SLC17A8: variants seen among roughly 807,000 people sequenced by gnomAD.
SLC17A8 encodes solute carrier family 17 member 8, also known as vesicular glutamate transporter 3.
Under a neutral mutation model 58.0 loss-of-function variants are expected in SLC17A8, and 31 were observed. That is an observed-to-expected ratio of 0.53 (90% confidence interval 0.40 to 0.72). The LOEUF (loss-of-function observed/expected upper bound fraction) is 0.72, where lower values mean the gene tolerates loss of function less well. Ranked by LOEUF, SLC17A8 falls within the 30% of genes least tolerant of loss-of-function variation. SLC17A8 has a pLI of 0.00. For synonymous variants in SLC17A8, 228 were observed against 249.0 expected, an observed-to-expected ratio of 0.92 and a Z score of 0.79; for missense variants, 655 against 727.8, an observed-to-expected ratio of 0.90 and a Z score of 1.15.
rs1952947125 is a variant in SLC17A8, at chr12:100,421,391, A to G, written c.*1232A>G. The G allele has an allele frequency of 6.6e-6, 1 of 152,168 alleles. No individual in the cohort carries two copies. The highest frequency in any genetic ancestry group is 2.4e-5 in the African/African-American group (1 of 41,458). The allele number at this position is 152,168 out of a possible 1,614,324, so 9.4% of individuals were successfully genotyped here. A position where few individuals can be genotyped will look rare whatever the true frequency, so the allele number is the denominator to read the frequency against. ...TTCAGGGAAATCACAATAATATAGCAGTAGTTATACAGAGAAATACTACAA... is the reference window on the plus strand; with the variant it reads ...TTCAGGGAAATCACAATAATATAGCGGTAGTTATACAGAGAAATACTACAA... On this transcript the variant is annotated 3_prime_UTR_variant, in exon 12 of 12. Coordinates refer to ENST00000323346, the MANE Select transcript of SLC17A8 (RefSeq NM_139319.3).
intron 2 of SLC17A8, among the ~76,000 whole-genome samples, chr12:100,385,744 AAAT>A: frequency 6.6e-6 from 1 of 152,362 alleles, no homozygotes. Flanking sequence ...AACCTATATT[AAAT>A]ACCTATATTA....
At chr12:100,416,330 A>C (rs1339288528) in intron 10 of SLC17A8, among the ~76,000 whole-genome samples, 4 of 152,218 alleles carry the variant, frequency 2.6e-5, no homozygotes, top group Non-Finnish European at 1.5e-5. Flanking sequence ...TTTTCTAATA[A>C]AGTGTTTATC....
intron 2 of SLC17A8, among the ~76,000 whole-genome samples, chr12:100,387,248 T>A (rs1461840177): frequency 1.3e-5 from 2 of 152,180 alleles, no homozygotes; most frequent in Non-Finnish European, 2.9e-5. Context: ...TTTCTCTTCA[T>A]CCTCACCAAC....
intron 1 of SLC17A8, among the ~76,000 whole-genome samples, chr12:100,360,382 G>C (rs550072549): frequency 7.7e-4 from 118 of 152,306 alleles, no homozygotes; most frequent in African/African-American, 2.8e-3. Flanking sequence ...TTCAGACACT[G>C]TAAACTCATT....
chr12:100,371,111 C>T (rs1433626108), intron 1 of SLC17A8, among the ~76,000 whole-genome samples: 1 of 152,106 alleles, frequency 6.6e-6, no homozygotes, highest in Admixed American at 6.5e-5. Flanking sequence ...CTCTGGGGAT[C>T]GTATTTTAAA....
intron 2 of SLC17A8, among the ~76,000 whole-genome samples, chr12:100,390,509 G>A (rs552469831): frequency 6.6e-6 from 1 of 151,788 alleles, no homozygotes; most frequent in Non-Finnish European, 1.5e-5. Context: ...ACCACGCCCG[G>A]CTAATTTTTT....
intron 9 of SLC17A8, among the ~76,000 whole-genome samples, chr12:100,404,702 T>A (rs1035048008): frequency 2.6e-5 from 4 of 152,250 alleles, no homozygotes; most frequent in African/African-American, 9.6e-5. Flanking sequence ...GCTTTTAAAA[T>A]TAACATTTAT....
At chr12:100,383,438 G>T (rs921399522) in intron 2 of SLC17A8, among the ~76,000 whole-genome samples, 1 of 152,118 alleles carries the variant, frequency 6.6e-6, no homozygotes, top group Non-Finnish European at 1.5e-5. Flanking sequence ...TATTTCTCTT[G>T]TCCGCCTAGA....
chr12:100,387,600 T>G (rs529792585), intron 2 of SLC17A8, among the ~76,000 whole-genome samples: 14 of 152,298 alleles, frequency 9.2e-5, no homozygotes, highest in African/African-American at 3.4e-4. Flanking sequence ...CTGGTTGAAG[T>G]GGGAGTTAGA....
chr12:100,407,830 T>A (rs1307868316), intron 9 of SLC17A8, among the ~76,000 whole-genome samples: 1 of 152,048 alleles, frequency 6.6e-6, no homozygotes, highest in African/African-American at 2.4e-5. Flanking sequence ...GTAGTCTCGA[T>A]CTCCTGACCT....
intron 2 of SLC17A8, among the ~76,000 whole-genome samples, chr12:100,388,783 C>T (rs1209764485): frequency 7.2e-5 from 11 of 152,218 alleles, no homozygotes; most frequent in Non-Finnish European, 1.6e-4. Flanking sequence ...TCCATATTTG[C>T]ATTTTGATAT....
Position 100,420,070 on chromosome 12 carries a change from G to T in SLC17A8, c.1681G>T (p.Glu561Ter), listed in dbSNP as rs750384271. Residue 561 changes from glutamate (E) to a stop codon, truncating the protein, a stop_gained, in exon 12 of 12, where the codon GAA becomes TAA. Transcript: ENST00000323346. LOFTEE classifies it low-confidence loss of function (END_TRUNC). ...TSQNCEVQKKEWKGQRGATLD... is the reference protein window; with the variant it reads ...TSQNCEVQKK The stretch of plus-strand genomic sequence containing the variant: ...CCAGAATTGTGAAGTCCAGAAGAAG[G>T]AATGGAAAGGACAGAGAGGAGCGAC... 5 of 1,614,168 alleles carry T rather than the reference G, an allele frequency of 3.1e-6. No homozygotes were observed. Among genetic ancestry groups the T allele is most frequent in the Non-Finnish European group, 4.2e-6 (5 of 1,180,032 alleles).
intron 2 of SLC17A8, among the ~76,000 whole-genome samples, chr12:100,389,449 A>G (rs2135993498): frequency 6.6e-6 from 1 of 152,320 alleles, no homozygotes; most frequent in South Asian, 2.1e-4. Flanking sequence ...CAAAACTGGC[A>G]TCTGAATAAT....
chr12:100,364,639 T>A (rs1271054116), intron 1 of SLC17A8, among the ~76,000 whole-genome samples: 1 of 152,176 alleles, frequency 6.6e-6, no homozygotes, highest in Non-Finnish European at 1.5e-5. Context: ...TAATGTGCAA[T>A]CAGGAGAGCT....
intron 9 of SLC17A8, chr12:100,404,426 C>G (rs1216033197): frequency 2.1e-6 from 1 of 470,350 alleles, no homozygotes; most frequent in African/African-American, 2.0e-5. Context: ...TACCTTTCTA[C>G]CTATCCATAT....
chr12:100,377,886 C>A (rs1952606371), intron 1 of SLC17A8, among the ~76,000 whole-genome samples: 1 of 152,156 alleles, frequency 6.6e-6, no homozygotes, highest in Admixed American at 6.5e-5. Flanking sequence ...CCGCGCCCAG[C>A]CTGATGGCTT....
intron 1 of SLC17A8, among the ~76,000 whole-genome samples, chr12:100,377,702 C>T: frequency 6.6e-6 from 1 of 150,844 alleles, no homozygotes; most frequent in South Asian, 2.1e-4. Context: ...GATTCTCCTG[C>T]CTCAGTCTCC....
rs1593000729 is a variant in SLC17A8, at chr12:100,396,340, A to C, written c.599A>C (p.Tyr200Ser). Residue 200 changes from tyrosine (Y) to serine (S), a missense_variant, in exon 5 of 12, where the codon TAC becomes TCC. Tyr to Ser is a moderately radical substitution (Grantham distance 144, BLOSUM62 -2). Transcript: ENST00000323346. ...CAACTCTTCTGCCAGGGTGTGACCT[A>C]CCCAGCCTGCCATGGGATGTGGAGT... ...ILQGLVEGVT[Y>S]PACHGMWSKW... The C allele has an allele frequency of 6.2e-7, 1 of 1,613,972 alleles. No individual in the cohort carries two copies. The highest frequency in any genetic ancestry group is 8.5e-7 in the Non-Finnish European group (1 of 1,179,874).
At chr12:100,413,715 C>T (rs919855499) in intron 10 of SLC17A8, among the ~76,000 whole-genome samples, 1 of 152,130 alleles carries the variant, frequency 6.6e-6, no homozygotes, top group Non-Finnish European at 1.5e-5. Context: ...CTGGCTTACG[C>T]GTGTAATCGC....
Sources: gnomAD v4.1 joint callset for allele counts (sites outside exome capture counted in the v4.1 genomes callset) on GRCh38, gnomAD v4.1.1 for gene constraint, MANE v1.5 for transcripts, NCBI Gene and HGNC (gene_info 2026-07-23, HGNC 2026-07-21) for gene names.